Variants in HS2ST1 observed in about 807,000 individuals in gnomAD.
HS2ST1 encodes 2-O-sulfotransferase.
A neutral mutation model predicts 42.9 loss-of-function variants in HS2ST1; 18 were observed. That is an observed-to-expected ratio of 0.42 (90% confidence interval 0.29 to 0.62). The LOEUF is 0.62. Ranked by LOEUF, HS2ST1 falls within the 20% of genes least tolerant of loss-of-function variation. The pLI, the probability that HS2ST1 is intolerant of heterozygous loss-of-function variation, is 0.21. For missense variants in HS2ST1, 334 were observed against 433.8 expected (o/e 0.77, Z 2.04); for synonymous variants, 146 against 152.9 (o/e 0.95, Z 0.33).
intron 1 of HS2ST1, among the ~76,000 whole-genome samples, chr1:86,965,235 G>A (rs1028021869): frequency 6.6e-6 from 1 of 151,926 alleles, no homozygotes; most frequent in South Asian, 2.1e-4. Flanking sequence ...GCTCTCTCTT[G>A]TTCCTTCACC....
Position 86,946,477 on chromosome 1 carries a change from G to A in HS2ST1, c.124+31317G>A, listed in dbSNP as rs138251250. Among the ~76,000 whole-genome samples the A allele has an allele frequency of 4.6e-3, 697 of 152,310 alleles. 3 individuals carry two copies. Among genetic ancestry groups the A allele is most frequent in the Middle Eastern group, 0.02 (6 of 294 alleles). On this transcript the variant is annotated intron_variant, in intron 1 of 6. Transcript: ENST00000370550. ...GTATATGTAGATCACCACCATAACAGTACATGATTATGTTACTGGTTATGA... is the reference window on the plus strand; with the variant it reads ...GTATATGTAGATCACCACCATAACAATACATGATTATGTTACTGGTTATGA...
chr1:87,018,228 A>T lies in HS2ST1; in HGVS notation c.125-54706A>T, dbSNP rs576234059. On this transcript the variant is annotated intron_variant, in intron 1 of 6. Coordinates refer to ENST00000370550, the MANE Select transcript of HS2ST1 (RefSeq NM_012262.4). ...CGTTTACTGCCCTGGGAAAATGGAG[A>T]TGAATCCTTTAAATATTTTTCCTTT... Among the ~76,000 whole-genome samples the T allele has an allele frequency of 3.3e-5, 5 of 152,084 alleles. No individual in the cohort carries two copies. In the East Asian group the frequency reaches 9.6e-4, roughly 29 times the overall value.
chr1:87,016,188 A>G (rs903419147), intron 1 of HS2ST1, among the ~76,000 whole-genome samples: 2 of 152,150 alleles, frequency 1.3e-5, no homozygotes, highest in East Asian at 1.9e-4. Flanking sequence ...TTTGGTTATT[A>G]TATCTTTATT....
intron 4 of HS2ST1, among the ~76,000 whole-genome samples, chr1:87,097,261 A>T (rs1202358787): frequency 4.6e-5 from 7 of 152,230 alleles, no homozygotes; most frequent in Non-Finnish European, 1.5e-5. Context: ...ATAACACATA[A>T]CACATTTAAA....
intron 1 of HS2ST1, among the ~76,000 whole-genome samples, chr1:86,945,083 C>T (rs1647293543): frequency 2.0e-5 from 3 of 152,038 alleles, no homozygotes; most frequent in South Asian, 4.2e-4. Context: ...CAGCAAGCTT[C>T]GGGGGTCAGA....
chr1:86,924,180 T>G (rs1660363483), intron 1 of HS2ST1, among the ~76,000 whole-genome samples: 2 of 152,208 alleles, frequency 1.3e-5, no homozygotes, highest in East Asian at 3.9e-4. Context: ...AATGATATCC[T>G]TTGACTCCAT....
intron 1 of HS2ST1, among the ~76,000 whole-genome samples, chr1:86,966,122 G>A (rs1425425531): frequency 1.3e-5 from 2 of 152,196 alleles, no homozygotes; most frequent in Non-Finnish European, 2.9e-5. Flanking sequence ...CTATTTCTCT[G>A]GTAGGGGCTT....
intron 1 of HS2ST1, among the ~76,000 whole-genome samples, chr1:86,926,713 G>T (rs1316970430): frequency 6.6e-6 from 1 of 152,150 alleles, no homozygotes; most frequent in East Asian, 1.9e-4. Context: ...TGGATCATTT[G>T]AATTATACTT....
intron 1 of HS2ST1, among the ~76,000 whole-genome samples, chr1:87,055,639 A>G (rs751562503): frequency 3.9e-5 from 6 of 152,326 alleles, no homozygotes; most frequent in South Asian, 2.1e-4. Context: ...TCCATGTACC[A>G]TAGGGATGCT....
intron 1 of HS2ST1, among the ~76,000 whole-genome samples, chr1:87,044,695 T>G (rs149893836): frequency 3.4e-4 from 52 of 152,358 alleles, no homozygotes; most frequent in African/African-American, 1.3e-3. Flanking sequence ...ATCTCATGAC[T>G]GGTTATGCAC....
intron 1 of HS2ST1, among the ~76,000 whole-genome samples, chr1:86,919,373 A>T (rs1034381466): frequency 3.9e-5 from 6 of 152,222 alleles, no homozygotes; most frequent in African/African-American, 1.4e-4. Flanking sequence ...TATTTTGCTT[A>T]GGAAGACTTA....
At chr1:87,072,883 C>T (rs964583821) in intron 1 of HS2ST1, 51 bp from the exon 2 acceptor site, 1 of 1,302,476 alleles carries the variant, frequency 7.7e-7, no homozygotes, top group Non-Finnish European at 1.1e-6. Flanking sequence ...GTGTTCATAA[C>T]TTCCTTATAG....
intron 1 of HS2ST1, among the ~76,000 whole-genome samples, chr1:87,019,145 C>A (rs190330601): frequency 6.6e-6 from 1 of 152,302 alleles, no homozygotes; most frequent in Non-Finnish European, 1.5e-5. Flanking sequence ...AGACATTCAT[C>A]TGTTGATGAG....
At chr1:87,007,318 A>G (rs1170451650) in intron 1 of HS2ST1, among the ~76,000 whole-genome samples, 1 of 152,040 alleles carries the variant, frequency 6.6e-6, no homozygotes, top group Non-Finnish European at 1.5e-5. Context: ...TGCATTTTCT[A>G]TTTATCTTTA....
At chr1:86,959,485 C>G (rs1415107948) in intron 1 of HS2ST1, among the ~76,000 whole-genome samples, 4 of 152,098 alleles carry the variant, frequency 2.6e-5, no homozygotes, top group Admixed American at 6.6e-5. Flanking sequence ...TGGTGAAACC[C>G]CGTCTCTACT....
chr1:86,918,278 A>G (rs1308458418), intron 1 of HS2ST1, among the ~76,000 whole-genome samples: 1 of 152,170 alleles, frequency 6.6e-6, no homozygotes, highest in East Asian at 1.9e-4. Flanking sequence ...ATGGCATTGT[A>G]GTCCACATAT....
At chr1:87,005,728 T>C (rs1649420700) in intron 1 of HS2ST1, among the ~76,000 whole-genome samples, 1 of 152,160 alleles carries the variant, frequency 6.6e-6, no homozygotes, top group Non-Finnish European at 1.5e-5. Flanking sequence ...TATAATTACA[T>C]AGTGAAAGAC....
At chr1:87,103,376 C>G (rs1652262024) in intron 5 of HS2ST1, 56 bp from the exon 6 acceptor site, 1 of 1,498,164 alleles carries the variant, frequency 6.7e-7, no homozygotes. Flanking sequence ...TCAAAGGCAC[C>G]AGAAACACTC....
chr1:86,932,604 AGTGGTACCTGTCTTTTTCTCTGTCT>A (rs1660566558), intron 1 of HS2ST1: 1 of 152,204 alleles, frequency 6.6e-6, no homozygotes, highest in East Asian at 1.9e-4. Flanking sequence ...TTTAATAAAT[AGTGGTACCTGTCTTTTTCTCTGTCT>A]GTATTAGAAC....
Sources: gnomAD v4.1 joint callset for allele counts (sites outside exome capture counted in the v4.1 genomes callset) on GRCh38, gnomAD v4.1.1 for gene constraint, MANE v1.5 for transcripts, NCBI Gene and HGNC (gene_info 2026-07-23, HGNC 2026-07-21) for gene names.